Variants in PIK3R3 observed in about 807,000 individuals in gnomAD.
The protein encoded by PIK3R3 is phosphatidylinositol 3-kinase regulatory subunit gamma.
Under a neutral mutation model 62.9 loss-of-function variants are expected in PIK3R3, and 64 were observed. That is an observed-to-expected ratio of 1.02 (90% CI 0.83 to 1.25). The LOEUF (loss-of-function observed/expected upper bound fraction) is 1.25, where lower values mean the gene tolerates loss of function less well. PIK3R3 is among the 50% of genes most tolerant of loss of function. The probability of loss-of-function intolerance (pLI) is 0.00; values close to 1 mark genes in which losing one functional copy is unlikely to be tolerated. For missense variants in PIK3R3, 614 were observed against 561.6 expected (o/e 1.09, Z -0.94); for synonymous variants, 165 against 189.0 (o/e 0.87, Z 1.04).
At chr1:46,169,203 C>T in the PIK3R3 span, among the ~76,000 whole-genome samples, 2 of 152,150 alleles carry the variant, frequency 1.3e-5, no homozygotes, top group Non-Finnish European at 2.9e-5. Flanking sequence ...TTTAGACAGA[C>T]TTAGTTGAGA....
intron 1 of PIK3R3, among the ~76,000 whole-genome samples, chr1:46,115,781 C>A (rs1654132484): frequency 6.6e-6 from 1 of 152,160 alleles, no homozygotes; most frequent in Non-Finnish European, 1.5e-5. Flanking sequence ...ATAAGTGTGA[C>A]AGAAACAAAA....
chr1:46,071,062 C>T (rs1425599843), intron 3 of PIK3R3, among the ~76,000 whole-genome samples: 1 of 152,162 alleles, frequency 6.6e-6, no homozygotes, highest in Non-Finnish European at 1.5e-5. Context: ...TGACTTTGAA[C>T]AAATTCAGAC....
Position 46,045,976 on chromosome 1 carries a change from C to G in PIK3R3, c.1129G>C (p.Asp377His). Residue 377 changes from aspartate to histidine, a missense_variant, in exon 9 of 10, where the codon GAT (aspartate) becomes CAT (histidine). Asp to His is a moderately conservative substitution (Grantham distance 81). Coordinates refer to ENST00000262741, the MANE Select transcript of PIK3R3 (RefSeq NM_003629.4). ...CTCTCACGAATTAAGAATGCACCATCAGGTTTCCCATAAAGCAAGTCCTCT... is the reference window on the plus strand; with the variant it reads ...CTCTCACGAATTAAGAATGCACCATGAGGTTTCCCATAAAGCAAGTCCTCT... ...QAEDLLYGKP[D>H]GAFLIRESSK... The G allele has an allele frequency of 6.2e-7, 1 of 1,613,706 alleles. No homozygotes were observed. Among genetic ancestry groups the G allele is most frequent in the Non-Finnish European group, 8.5e-7 (1 of 1,179,784 alleles).
At chr1:46,087,625 G>A (rs1228142736) in intron 1 of PIK3R3, among the ~76,000 whole-genome samples, 3 of 119,892 alleles carry the variant, frequency 2.5e-5, no homozygotes, top group East Asian at 4.7e-4. Context: ...GGTAGACACA[G>A]GGTCTCACTA....
At chr1:46,173,145 G>A in the PIK3R3 span, among the ~76,000 whole-genome samples, 1 of 152,204 alleles carries the variant, frequency 6.6e-6, no homozygotes, top group Non-Finnish European at 1.5e-5. Context: ...GAATTCTGGA[G>A]ATATGGTTGT....
At chr1:46,118,270 C>T (rs1019052033) in intron 1 of PIK3R3, among the ~76,000 whole-genome samples, 2 of 152,032 alleles carry the variant, frequency 1.3e-5, no homozygotes, top group Non-Finnish European at 2.9e-5. Context: ...ACATTCAGAA[C>T]GCAACCACTT....
At chr1:46,166,677 T>C in the PIK3R3 span, among the ~76,000 whole-genome samples, 1 of 152,138 alleles carries the variant, frequency 6.6e-6, no homozygotes, top group South Asian at 2.1e-4. Flanking sequence ...TAGTAACTGC[T>C]AGTGAGCCCA....
the PIK3R3 span, among the ~76,000 whole-genome samples, chr1:46,168,117 C>G: frequency 6.6e-6 from 1 of 152,070 alleles, no homozygotes; most frequent in Admixed American, 6.5e-5. Flanking sequence ...CACCACTGCA[C>G]TCCAACCAGG....
At chr1:46,173,262 C>T in the PIK3R3 span, among the ~76,000 whole-genome samples, 19 of 152,310 alleles carry the variant, frequency 1.2e-4, no homozygotes, top group East Asian at 1.9e-4. Flanking sequence ...TCATCGCAAA[C>T]GGAGCCCCTG....
chr1:46,047,475 A>C (rs1039998011), intron 7 of PIK3R3, among the ~76,000 whole-genome samples: 1 of 152,034 alleles, frequency 6.6e-6, no homozygotes, highest in Non-Finnish European at 1.5e-5. Context: ...AAAAGAAAAA[A>C]TCATAGTATC....
At position 46,055,979 on chromosome 1, in the gene PIK3R3, A is replaced by C; in HGVS notation, c.765-8T>G. ...TCATAATTCATCATAATTCTGTAAA[A>C]ATATTTGACATGTTAAGGCTAAAAT... On this transcript the variant is annotated splice_polypyrimidine_tract_variant and splice_region_variant and intron_variant, in intron 6 of 9. Coordinates refer to ENST00000262741, the MANE Select transcript of PIK3R3 (RefSeq NM_003629.4). 6.4e-7 allele frequency: 1 copy of C among 1,567,842 alleles called. No individual in the cohort carries two copies. The highest frequency in any genetic ancestry group is 8.7e-7 in the Non-Finnish European group (1 of 1,152,976).
At chr1:46,089,313 G>T (rs769263046) in intron 1 of PIK3R3, among the ~76,000 whole-genome samples, 2 of 152,158 alleles carry the variant, frequency 1.3e-5, no homozygotes, top group Non-Finnish European at 2.9e-5. Context: ...TTTAAGAAAA[G>T]AATGGAAATG....
At chr1:46,047,170 GCTCATGCCTGTAATCCCAGCA>G (rs1647137540) in intron 7 of PIK3R3, 1 of 152,704 alleles carries the variant, frequency 6.5e-6, no homozygotes, top group East Asian at 1.9e-4. Context: ...GGGCGCGGTG[GCTCATGCCTGTAATCCCAGCA>G]CTTTGGGAGG....
rs1647006805 is a variant in PIK3R3 at position 46,042,044 on chromosome 1, C to G, written c.*1629G>C. ...GATGCAGGTACTGGCTTCTCTAGCT[C>G]AGCCAGGGTGCCTGACTGCACAGCT... is the stretch of plus-strand genomic sequence containing the variant. On this transcript the variant is annotated 3_prime_UTR_variant, in exon 10 of 10. Coordinates refer to ENST00000262741, the MANE Select transcript of PIK3R3 (RefSeq NM_003629.4). The surrounding 1 kb of genome is among the most constrained non-coding windows in gnomAD (Gnocchi z 4.3). 4.5e-6 allele frequency: 1 copy of G among 223,006 alleles called. No individual in the cohort carries two copies. Among genetic ancestry groups the G allele is most frequent in the Admixed American group, 5.7e-5 (1 of 17,420 alleles). 13.8% of individuals were successfully genotyped at this position (223,006 alleles called of 1,614,324 possible). A position where few individuals can be genotyped will look rare whatever the true frequency, so the allele number is the denominator to read the frequency against.
chr1:46,136,737 G>C (rs1157547672), upstream of PIK3R3, among the ~76,000 whole-genome samples: 1 of 152,160 alleles, frequency 6.6e-6, no homozygotes, highest in Non-Finnish European at 1.5e-5. Flanking sequence ...CCTCATTTAG[G>C]TTTAGGGGTA....
At chr1:46,080,822 C>T in intron 1 of PIK3R3, 72 bp from the exon 2 acceptor site, 1 of 939,348 alleles carries the variant, frequency 1.1e-6, no homozygotes, top group Non-Finnish European at 1.7e-6. Context: ...AGGAGCAGCT[C>T]ACTAACCAAG....
At chr1:46,140,747 A>G in the PIK3R3 span, among the ~76,000 whole-genome samples, 1 of 152,256 alleles carries the variant, frequency 6.6e-6, no homozygotes. Flanking sequence ...TCAGAGCCTC[A>G]GAAGAAACCA....
intron 7 of PIK3R3, among the ~76,000 whole-genome samples, chr1:46,047,875 G>A (rs1410515684): frequency 6.6e-6 from 1 of 152,134 alleles, no homozygotes; most frequent in Non-Finnish European, 1.5e-5. Flanking sequence ...CCATCTCCAG[G>A]GTTCAAGCAA....
At chr1:46,106,837 G>A (rs1219687818) in intron 1 of PIK3R3, among the ~76,000 whole-genome samples, 1 of 152,032 alleles carries the variant, frequency 6.6e-6, no homozygotes, top group African/African-American at 2.4e-5. Context: ...GTGCAATGGC[G>A]TGATCTCGGC....
Sources: gnomAD v4.1 joint callset for allele counts (sites outside exome capture counted in the v4.1 genomes callset) on GRCh38, gnomAD v4.1.1 for gene constraint, Gnocchi (gnomAD v3.1) non-coding constraint, MANE v1.5 for transcripts, NCBI Gene and HGNC (gene_info 2026-07-23, HGNC 2026-07-21) for gene names.